LRP1B: variants seen among roughly 807,000 people sequenced by gnomAD.
LRP1B encodes the protein low-density lipoprotein receptor-related protein 1B.
LRP1B carries 217 observed loss-of-function variants against 556.6 expected under a neutral mutation model. The observed-to-expected ratio is 0.39, with a 90% CI of 0.35 to 0.44. The LOEUF (loss-of-function observed/expected upper bound fraction) is 0.44. Ranked by LOEUF, LRP1B falls within the 20% of genes least tolerant of loss-of-function variation. LRP1B has a pLI of 1.00. For synonymous variants in LRP1B, 2,047 were observed against 1,865.8 expected, an observed-to-expected ratio of 1.10 and a Z score of -2.50; for missense variants, 5,053 against 5,620.8, an observed-to-expected ratio of 0.90 and a Z score of 3.23.
chr2:140,873,204 A>T (rs1176498169), intron 25 of LRP1B, among the ~76,000 whole-genome samples: 1 of 152,140 alleles, frequency 6.6e-6, no homozygotes, highest in African/African-American at 2.4e-5. Context: ...GCCGAATATT[A>T]TAAGGTGTCA....
At chr2:142,073,420 T>A (rs1303074279) in intron 1 of LRP1B, among the ~76,000 whole-genome samples, 1 of 152,062 alleles carries the variant, frequency 6.6e-6, no homozygotes, top group Non-Finnish European at 1.5e-5. Flanking sequence ...TAAAATTACA[T>A]CATTAATTGT....
At chr2:141,329,654 A>AAAAAACAAAACAAAC (rs1553497020) in intron 3 of LRP1B, among the ~76,000 whole-genome samples, 9 of 140,184 alleles carry the variant, frequency 6.4e-5, no homozygotes, top group African/African-American at 2.2e-4. Context: ...AAAAAAAAAA[A>AAAAAACAAAACAAAC]AAAAAAAAAA....
At chr2:140,427,740 C>T (rs1573926054) in intron 66 of LRP1B, among the ~76,000 whole-genome samples, 2 of 151,608 alleles carry the variant, frequency 1.3e-5, no homozygotes, top group African/African-American at 2.4e-5. Flanking sequence ...TCCGTCCCAA[C>T]CCCAAGCATC....
chr2:140,765,878 C>T (rs556126013), intron 35 of LRP1B, among the ~76,000 whole-genome samples: 1 of 152,032 alleles, frequency 6.6e-6, no homozygotes, highest in Non-Finnish European at 1.5e-5. Flanking sequence ...CTTAGCATGA[C>T]TGGGGCTGTT....
chr2:140,843,845 T>C (rs1559152116), intron 29 of LRP1B, among the ~76,000 whole-genome samples: 1 of 152,200 alleles, frequency 6.6e-6, no homozygotes, highest in Non-Finnish European at 1.5e-5. Flanking sequence ...CTTTCACATA[T>C]GTGTTTTGAG....
chr2:141,875,304 G>T (rs759113086), intron 1 of LRP1B, among the ~76,000 whole-genome samples: 3 of 151,658 alleles, frequency 2.0e-5, no homozygotes, highest in African/African-American at 4.8e-5. Context: ...CTGTTATCAG[G>T]CCACACACAG....
intron 31 of LRP1B, among the ~76,000 whole-genome samples, chr2:140,832,535 A>C (rs1360984521): frequency 6.6e-6 from 1 of 152,222 alleles, no homozygotes; most frequent in African/African-American, 2.4e-5. Flanking sequence ...AATGAGGTAC[A>C]TATACACAAT....
intron 60 of LRP1B, 47 bp from the exon 61 acceptor site, chr2:140,457,698 C>G (rs1687159691): frequency 6.9e-7 from 1 of 1,452,280 alleles, no homozygotes; most frequent in South Asian, 1.2e-5. Flanking sequence ...GGAAGACTGC[C>G]AGTTAAAATA....
intron 1 of LRP1B, among the ~76,000 whole-genome samples, chr2:142,034,470 T>C (rs1356658047): frequency 6.6e-6 from 1 of 151,686 alleles, no homozygotes; most frequent in African/African-American, 2.4e-5. Flanking sequence ...TTTTTCTTAC[T>C]AAACTGATAA....
At chr2:141,225,033 C>A (rs567625271) in intron 6 of LRP1B, among the ~76,000 whole-genome samples, 7 of 151,840 alleles carry the variant, frequency 4.6e-5, no homozygotes, top group Non-Finnish European at 8.8e-5. Flanking sequence ...GCAATAAGGA[C>A]GTAATTTAGT....
intron 3 of LRP1B, among the ~76,000 whole-genome samples, chr2:141,364,214 A>G (rs577785420): frequency 6.6e-6 from 1 of 152,182 alleles, no homozygotes; most frequent in Admixed American, 6.6e-5. Context: ...TTTGTAAAGA[A>G]CTGGGCAAGG....
At chr2:140,567,376 A>C (rs896265383) in intron 43 of LRP1B, among the ~76,000 whole-genome samples, 6 of 152,124 alleles carry the variant, frequency 3.9e-5, no homozygotes, top group African/African-American at 1.4e-4. Flanking sequence ...CCAAGTTACC[A>C]CTGAGACCTA....
chr2:141,182,439 G>A (rs1025862839), intron 7 of LRP1B, among the ~76,000 whole-genome samples: 1 of 151,904 alleles, frequency 6.6e-6, no homozygotes, highest in Admixed American at 6.6e-5. Context: ...TGAATGCTGA[G>A]GTCAGCTAAT....
intron 6 of LRP1B, among the ~76,000 whole-genome samples, chr2:141,226,981 CTTA>C (rs1558945998): frequency 6.6e-6 from 1 of 152,118 alleles, no homozygotes; most frequent in African/African-American, 2.4e-5. Context: ...TTCCAGTGAA[CTTA>C]TTTTTTATTA....
At chr2:141,641,424 A>G (rs1689329767) in intron 2 of LRP1B, among the ~76,000 whole-genome samples, 1 of 152,202 alleles carries the variant, frequency 6.6e-6, no homozygotes, top group Non-Finnish European at 1.5e-5. Flanking sequence ...ATTAAACACT[A>G]TACTGAATAT....
intron 7 of LRP1B, among the ~76,000 whole-genome samples, chr2:141,108,112 T>A (rs1257614894): frequency 6.6e-6 from 1 of 152,086 alleles, no homozygotes; most frequent in African/African-American, 2.4e-5. Context: ...AAGTCAACAC[T>A]AAAGGAGGAA....
At chr2:140,351,133 C>A (rs2105117325) in intron 76 of LRP1B, 95 bp from the exon 77 acceptor site, 2 of 842,910 alleles carry the variant, frequency 2.4e-6, no homozygotes, top group Non-Finnish European at 3.6e-6. Context: ...AATTATTATT[C>A]TTAATACAGT....
At chr2:142,079,632 C>T (rs1705640791) in intron 1 of LRP1B, among the ~76,000 whole-genome samples, 1 of 152,056 alleles carries the variant, frequency 6.6e-6, no homozygotes, top group Non-Finnish European at 1.5e-5. Flanking sequence ...GCCTCAGCAT[C>T]CTGAGTAGCT....
At chr2:141,688,134 C>T (rs1190593414) in intron 2 of LRP1B, among the ~76,000 whole-genome samples, 1 of 151,672 alleles carries the variant, frequency 6.6e-6, no homozygotes, top group East Asian at 1.9e-4. Flanking sequence ...CAAATACAAG[C>T]TATTCCAATT....
Sources: gnomAD v4.1 joint callset for allele counts (sites outside exome capture counted in the v4.1 genomes callset) on GRCh38, gnomAD v4.1.1 for gene constraint, MANE v1.5 for transcripts, NCBI Gene and HGNC (gene_info 2026-07-23, HGNC 2026-07-21) for gene names.